UNC45A: variants seen among roughly 807,000 people sequenced by gnomAD.
UNC45A encodes the protein protein unc-45 homolog A.
In UNC45A, 78 loss-of-function variants were observed where a neutral mutation model predicts 103.2. The observed-to-expected ratio is 0.76, with a 90% CI of 0.63 to 0.91. The LOEUF is 0.91. Ranked by LOEUF, UNC45A falls within the 40% of genes least tolerant of loss-of-function variation. The pLI, the probability that UNC45A is intolerant of heterozygous loss-of-function variation, is 0.00. For missense variants in UNC45A, 1,193 were observed against 1,224.8 expected, an observed-to-expected ratio of 0.97 and a Z score of 0.39; for synonymous variants, 495 against 504.6, an observed-to-expected ratio of 0.98 and a Z score of 0.25.
upstream of UNC45A, chr15:90,931,935 G>A: frequency 6.2e-7 from 1 of 1,613,860 alleles, no homozygotes; most frequent in Non-Finnish European, 8.5e-7. Context: ...GTGTCATGGA[G>A]CAGGGCCGCC....
intron 10 of UNC45A, chr15:90,947,178 C>A (rs2151370692): frequency 4.2e-6 from 2 of 480,408 alleles, no homozygotes; most frequent in East Asian, 3.4e-5. Context: ...CACAGCAAGA[C>A]CCTCTCTAAA....
rs2037064635 is a variant in UNC45A, at chr15:90,953,705, G to A, written c.2824G>A (p.Asp942Asn). The change falls in exon 20 of 20, where the codon GAT becomes AAT. Residue 942 changes from aspartate to asparagine, a missense_variant. Physicochemically the swap from Asp to Asn is conservative, Grantham distance 23. Transcript: ENST00000418476. ...ATATGGGCTTATCCAACCCAACCAAGATGGAGAGTGAGGGGGTTGTCCCTG... is the reference window on the plus strand; with the variant it reads ...ATATGGGCTTATCCAACCCAACCAAAATGGAGAGTGAGGGGGTTGTCCCTG... ...VEYGLIQPNQ[D>N]GE 2 of 1,613,688 alleles carry A rather than the reference G, an allele frequency of 1.2e-6. No homozygotes were observed. The highest frequency in any genetic ancestry group is 1.1e-5 in the South Asian group (1 of 91,086).
chr15:90,945,889 C>T (rs1285260875), intron 9 of UNC45A, among the ~76,000 whole-genome samples: 2 of 139,006 alleles, frequency 1.4e-5, no homozygotes, highest in Non-Finnish European at 3.1e-5. Context: ...ATCTGCCCGC[C>T]TTGGCCTCCT....
intron 10 of UNC45A, 39 bp downstream of exon 10, chr15:90,946,953 G>A: frequency 3.8e-6 from 6 of 1,571,604 alleles, no homozygotes; most frequent in Non-Finnish European, 5.2e-6. Context: ...CAGGCAGCCA[G>A]GCAGGGGTCC....
intron 19 of UNC45A, 65 bp downstream of exon 19, chr15:90,953,375 G>A (rs1386621530): frequency 6.3e-7 from 1 of 1,593,136 alleles, no homozygotes; most frequent in African/African-American, 1.3e-5. Flanking sequence ...AGCTGAAGGG[G>A]GCAGTCCTAG....
chr15:90,948,031 G>A (rs2036666352), intron 11 of UNC45A, 111 bp from the exon 12 acceptor site: 1 of 1,546,044 alleles, frequency 6.5e-7, no homozygotes, highest in African/African-American at 1.4e-5. Flanking sequence ...TACGTGAACT[G>A]CTTCTGTACA....
rs555543944 is a variant in UNC45A at position 90,937,043 on chromosome 15, T to A, written c.426+583T>A. The stretch of plus-strand genomic sequence containing the variant: ...GAAATGGGAAGCTCTGGGACACTTG[T>A]TGAATGAACAAAGCAAAATAGGCAG... On this transcript the variant is annotated intron_variant, in intron 4 of 19. Transcript: ENST00000418476. Among the ~76,000 whole-genome samples, 3 of 152,282 alleles carry A rather than the reference T, an allele frequency of 2.0e-5. No individual in the cohort carries two copies. The East Asian group carries it at 5.8e-4, about 29-fold the overall frequency.
At chr15:90,932,492 G>T, upstream of UNC45A, 1 of 1,309,802 alleles carries the variant, frequency 7.6e-7, no homozygotes, top group South Asian at 2.3e-5. Context: ...CGGTGCTTGC[G>T]AGCCGCGAAG....
At chr15:90,944,284 G>A (rs1329582753) in intron 8 of UNC45A, among the ~76,000 whole-genome samples, 4 of 151,924 alleles carry the variant, frequency 2.6e-5, no homozygotes, top group Non-Finnish European at 5.9e-5. Context: ...CTATTCTGGA[G>A]GCTGAGGCAG....
Position 90,953,781 on chromosome 15 carries a change from G to A in UNC45A, c.*65G>A, listed in dbSNP as rs1050062546. The stretch of plus-strand genomic sequence containing the variant: ...CTATTGTGGCACGGAGAGTAAGGAC[G>A]GAAGCAGCTTTGGCTGGTGGTGGCT... On this transcript the variant is annotated 3_prime_UTR_variant, in exon 20 of 20. Transcript: ENST00000418476. The A allele has an allele frequency of 6.4e-6, 10 of 1,562,528 alleles. No homozygotes were observed. The highest frequency in any genetic ancestry group is 1.7e-4 in the Middle Eastern group (1 of 5,990).
At chr15:90,940,571 G>T in intron 6 of UNC45A, 98 bp downstream of exon 6, 1 of 1,456,868 alleles carries the variant, frequency 6.9e-7, no homozygotes, top group Non-Finnish European at 9.3e-7. Flanking sequence ...CCATCTGCCC[G>T]TCCATCCATC....
upstream of UNC45A, chr15:90,932,283 G>A (rs978020228): frequency 5.0e-5 from 42 of 838,398 alleles, no homozygotes; most frequent in Admixed American, 4.5e-4. Flanking sequence ...CATGCCTACC[G>A]TTCCAATTGT....
Position 90,942,525 on chromosome 15 carries a change from A to G in UNC45A, c.776A>G (p.His259Arg). The G allele has an allele frequency of 6.2e-7, 1 of 1,614,116 alleles. No homozygotes were observed. Among genetic ancestry groups the G allele is most frequent in the Non-Finnish European group, 8.5e-7 (1 of 1,180,026 alleles). ...CAGGCTGTGTCCCTGGCTGCCTGCC[A>G]CCTGCTGCAGGTTATGTTTGATGCC... ...ESQAVSLAAC[H>R]LLQVMFDALK... is the part of the protein sequence containing the mutation. Residue 259 changes from histidine to arginine, a missense_variant, in exon 7 of 20, where the codon CAC becomes CGC. Coordinates refer to ENST00000418476, the MANE Select transcript of UNC45A (RefSeq NM_018671.5).
upstream of UNC45A, chr15:90,932,728 A>C (rs1032123922): frequency 4.0e-5 from 16 of 398,464 alleles, no homozygotes; most frequent in African/African-American, 3.3e-4. Flanking sequence ...AGCTGCCTTC[A>C]GCATCGCAGC....
At position 90,951,247 on chromosome 15, in the gene UNC45A, C is replaced by T. The variant is rs539338153; in HGVS notation, c.2303+632C>T. On this transcript the variant is annotated intron_variant, in intron 17 of 19. Coordinates refer to ENST00000418476, the MANE Select transcript of UNC45A (RefSeq NM_018671.5). Reference sequence around the variant, plus strand: ...GTCTAGATCTCCTGACCTCGTGATCCGCCCACCTCAGCCTCCCAAAGTGCT... The same window carrying T: ...GTCTAGATCTCCTGACCTCGTGATCTGCCCACCTCAGCCTCCCAAAGTGCT... Among the ~76,000 whole-genome samples the T allele has an allele frequency of 3.2e-3, 490 of 152,290 alleles. 2 individuals are homozygous for T. The highest frequency in any genetic ancestry group is 0.011 in the African/African-American group (462 of 41,548).
intron 15 of UNC45A, 75 bp downstream of exon 15, chr15:90,949,795 C>T (rs2036790617): frequency 5.6e-6 from 8 of 1,429,066 alleles, no homozygotes; most frequent in Non-Finnish European, 7.9e-6. Context: ...GCTGCCACGC[C>T]AGAGCTGGGT....
At chr15:90,945,438 C>G (rs1200796823) in intron 9 of UNC45A, among the ~76,000 whole-genome samples, 1 of 151,320 alleles carries the variant, frequency 6.6e-6, no homozygotes, top group African/African-American at 2.4e-5. Flanking sequence ...CTCAGGTCAC[C>G]ACAACCTTCG....
chr15:90,942,023 T>G (rs186598432), intron 6 of UNC45A, among the ~76,000 whole-genome samples: 20 of 151,112 alleles, frequency 1.3e-4, no homozygotes, highest in Admixed American at 6.6e-4. Flanking sequence ...GCCCATTCCG[T>G]GTACGTGACG....
Position 90,935,527 on chromosome 15 carries a change from C to A in UNC45A, c.52-17C>A. ...CCCGAACCCCCTCCGACGTTTCCGC[C>A]CCCTTTCTCTCTACAGGCCAGCTCA... On this transcript the variant is annotated splice_polypyrimidine_tract_variant and intron_variant, in intron 1 of 19. Transcript: ENST00000418476. 6.3e-7 allele frequency: 1 copy of A among 1,581,564 alleles called. No homozygotes were observed. Among genetic ancestry groups the A allele is most frequent in the Non-Finnish European group, 8.6e-7 (1 of 1,162,296 alleles).
Sources: allele counts gnomAD v4.1 joint callset (sites outside exome capture counted in the v4.1 genomes callset), GRCh38; gene constraint gnomAD v4.1.1; transcripts MANE v1.5; gene names NCBI Gene and HGNC (gene_info 2026-07-23, HGNC 2026-07-21).